Variants in PTPRD observed in about 807,000 individuals in gnomAD.
PTPRD encodes receptor-type tyrosine-protein phosphatase delta.
Under a neutral mutation model 214.5 loss-of-function variants are expected in PTPRD, and 34 were observed. That is an observed-to-expected ratio of 0.16 (90% CI 0.12 to 0.21). The LOEUF (loss-of-function observed/expected upper bound fraction) is 0.21, where lower values mean the gene tolerates loss of function less well. PTPRD is among the 10% of genes least tolerant of loss of function. The pLI is 1.00. For missense variants in PTPRD, 2,545 were observed against 2,398.7 expected (o/e 1.06, Z -1.27); for synonymous variants, 1,128 against 845.7 (o/e 1.33, Z -5.79).
intron 9 of PTPRD, among the ~76,000 whole-genome samples, chr9:9,369,388 T>C (rs1278778697): frequency 3.9e-5 from 6 of 152,188 alleles, no homozygotes; most frequent in Non-Finnish European, 5.9e-5. Flanking sequence ...CATGTGTTTT[T>C]TGGCTGCATA....
chr9:10,107,455 G>C (rs1405442521), intron 3 of PTPRD, among the ~76,000 whole-genome samples: 1 of 151,982 alleles, frequency 6.6e-6, no homozygotes, highest in African/African-American at 2.4e-5. Flanking sequence ...ATTGCCGTTA[G>C]AATGACCCCC....
intron 9 of PTPRD, among the ~76,000 whole-genome samples, chr9:9,308,436 A>C (rs1156535773): frequency 5.3e-5 from 8 of 152,194 alleles, no homozygotes; most frequent in Non-Finnish European, 2.9e-5. Flanking sequence ...TCGTCTCAGC[A>C]TCATTTAATA....
chr9:9,269,578 C>T (rs1056317045), intron 9 of PTPRD, among the ~76,000 whole-genome samples: 1 of 151,108 alleles, frequency 6.6e-6, no homozygotes, highest in Admixed American at 6.6e-5. Flanking sequence ...GCATTTTTTC[C>T]AATAGTCAAG....
intron 8 of PTPRD, among the ~76,000 whole-genome samples, chr9:9,498,043 A>G (rs1475209571): frequency 3.3e-5 from 5 of 152,120 alleles, no homozygotes; most frequent in Admixed American, 1.3e-4. Flanking sequence ...TTGCACATTC[A>G]AAGGGATCTT....
At chr9:9,823,384 C>A (rs190919196) in intron 5 of PTPRD, among the ~76,000 whole-genome samples, 29 of 152,114 alleles carry the variant, frequency 1.9e-4, no homozygotes, top group Admixed American at 9.2e-4. Context: ...CTCGTGAGAA[C>A]TTACTATTGC....
intron 7 of PTPRD, among the ~76,000 whole-genome samples, chr9:9,703,031 C>T (rs906385787): frequency 6.6e-6 from 1 of 152,092 alleles, no homozygotes; most frequent in Non-Finnish European, 1.5e-5. Flanking sequence ...AATCTCATCT[C>T]GAATTGTAAT....
chr9:9,509,565 T>C (rs568961601), intron 8 of PTPRD, among the ~76,000 whole-genome samples: 8 of 151,710 alleles, frequency 5.3e-5, no homozygotes, highest in Non-Finnish European at 5.9e-5. Context: ...TTCCCACATA[T>C]GATTCCATTT....
chr9:10,230,554 C>A (rs2099605981), intron 3 of PTPRD, among the ~76,000 whole-genome samples: 1 of 151,682 alleles, frequency 6.6e-6, no homozygotes, highest in East Asian at 2.0e-4. Context: ...TTTGTGGTTC[C>A]TTGGACCCTG....
At chr9:10,010,715 T>TA (rs1417149384) in intron 4 of PTPRD, among the ~76,000 whole-genome samples, 6 of 151,910 alleles carry the variant, frequency 3.9e-5, no homozygotes, top group Non-Finnish European at 7.4e-5. Context: ...ATCAATGGAA[T>TA]AAAAAATCGA....
At chr9:9,902,532 C>A (rs2153811111) in intron 5 of PTPRD, among the ~76,000 whole-genome samples, 1 of 152,184 alleles carries the variant, frequency 6.6e-6, no homozygotes, top group East Asian at 1.9e-4. Flanking sequence ...AAGATAACCA[C>A]AGTATTTAAA....
intron 7 of PTPRD, among the ~76,000 whole-genome samples, chr9:9,598,827 G>C (rs185006018): frequency 1.3e-5 from 2 of 151,936 alleles, no homozygotes; most frequent in African/African-American, 2.4e-5. Flanking sequence ...ACTTGAGTTT[G>C]AATTCTGGCT....
chr9:10,223,239 T>C lies in PTPRD; in HGVS notation c.-545+117724A>G, dbSNP rs1261042480. Among the ~76,000 whole-genome samples, 7 of 152,076 alleles carry C rather than the reference T, an allele frequency of 4.6e-5. No individual in the cohort carries two copies. The South Asian group carries it at 1.5e-3, about 32-fold the overall frequency. On this transcript the variant is annotated intron_variant, in intron 3 of 45. Transcript: ENST00000381196. ...CTTCTCCCCTTCCTCTTCCTCCTTTTCTTACTTCTGTTTCTTCTGTACCTT... is the reference window on the plus strand; with the variant it reads ...CTTCTCCCCTTCCTCTTCCTCCTTTCCTTACTTCTGTTTCTTCTGTACCTT...
chr9:8,729,553 C>T (rs570465687), intron 12 of PTPRD, among the ~76,000 whole-genome samples: 36 of 152,314 alleles, frequency 2.4e-4, no homozygotes, highest in Middle Eastern at 3.4e-3. Context: ...AAACACCTAC[C>T]TTGTGTTATC....
At chr9:10,047,125 TA>T (rs1461149192) in intron 3 of PTPRD, among the ~76,000 whole-genome samples, 1 of 151,986 alleles carries the variant, frequency 6.6e-6, no homozygotes, top group Non-Finnish European at 1.5e-5. Context: ...ACCTATAGCA[TA>T]CGTAAGTTAA....
intron 2 of PTPRD, among the ~76,000 whole-genome samples, chr9:10,529,170 T>C (rs2055294932): frequency 6.6e-6 from 1 of 152,122 alleles, no homozygotes; most frequent in South Asian, 2.1e-4. Flanking sequence ...TCAACTATTC[T>C]AGGATCTAGA....
chr9:8,535,539 A>G (rs900801631), intron 14 of PTPRD, among the ~76,000 whole-genome samples: 1 of 151,952 alleles, frequency 6.6e-6, no homozygotes, highest in Non-Finnish European at 1.5e-5. Context: ...GTTGTTGTGA[A>G]CAACTGAAAA....
chr9:10,105,073 C>A (rs762789474), intron 3 of PTPRD, among the ~76,000 whole-genome samples: 1 of 151,792 alleles, frequency 6.6e-6, no homozygotes, highest in Non-Finnish European at 1.5e-5. Context: ...CCTGAACTAG[C>A]CTTTGTCTCA....
chr9:10,019,937 T>A (rs72692785), intron 4 of PTPRD, among the ~76,000 whole-genome samples: 1 of 151,564 alleles, frequency 6.6e-6, no homozygotes, highest in East Asian at 1.9e-4. Flanking sequence ...ATAAAAAAAA[T>A]TATAGTGCTT....
chr9:9,004,372 T>C (rs1251617722), intron 11 of PTPRD, among the ~76,000 whole-genome samples: 1 of 152,020 alleles, frequency 6.6e-6, no homozygotes, highest in Non-Finnish European at 1.5e-5. Flanking sequence ...ATTTCAACCA[T>C]CTCAACACAA....
Sources: allele counts gnomAD v4.1 joint callset (sites outside exome capture counted in the v4.1 genomes callset), GRCh38; gene constraint gnomAD v4.1.1; transcripts MANE v1.5; gene names NCBI Gene and HGNC (gene_info 2026-07-23, HGNC 2026-07-21).